The following LAMA3 variants were observed in gnomAD, a reference collection of about 807,000 sequenced individuals.
LAMA3 encodes laminin subunit alpha-3.
A neutral mutation model predicts 402.0 loss-of-function variants in LAMA3; 281 were observed. That is an observed-to-expected ratio of 0.70 (90% confidence interval 0.63 to 0.77). The LOEUF (loss-of-function observed/expected upper bound fraction) is 0.77. Among genes scored for constraint, LAMA3 ranks in the 30% least tolerant of loss-of-function variants. LAMA3 has a pLI of 0.00. For missense variants in LAMA3, 3,840 were observed against 4,215.5 expected, an observed-to-expected ratio of 0.91 and a Z score of 2.47; for synonymous variants, 1,431 against 1,558.4, an observed-to-expected ratio of 0.92 and a Z score of 1.93.
rs139531741 is a variant in LAMA3, at chr18:23,763,272, T to A, written c.1064-133T>A. 6.7e-4 allele frequency: 458 copies of A among 680,346 alleles called. 1 individual carries two copies. In the African/African-American group the frequency reaches 7.3e-3, roughly 11 times the overall value. The allele number at this position is 680,346 out of a possible 1,614,324, so 42.1% of individuals were successfully genotyped here. On this transcript the variant is annotated intron_variant, in intron 7 of 74. Coordinates refer to ENST00000313654, the MANE Select transcript of LAMA3 (RefSeq NM_198129.4). ...CTTTGTGTAAAGATCCCTAAAAATT[T>A]TCCCCTAAGAGTGTCCTGGGTGTTC... is the stretch of plus-strand genomic sequence containing the variant.
At chr18:23,699,245 T>G (rs1320453283) in intron 1 of LAMA3, among the ~76,000 whole-genome samples, 1 of 152,206 alleles carries the variant, frequency 6.6e-6, no homozygotes, top group African/African-American at 2.4e-5. Flanking sequence ...GTTACACGTT[T>G]TGAATGTTGT....
At chr18:23,869,850 C>T (rs553057312) in intron 37 of LAMA3, among the ~76,000 whole-genome samples, 5 of 151,598 alleles carry the variant, frequency 3.3e-5, no homozygotes, top group African/African-American at 7.3e-5. Flanking sequence ...GGGTGGATCA[C>T]GAGGTCAGGA....
At chr18:23,917,143 C>T (rs939232477) in intron 60 of LAMA3, among the ~76,000 whole-genome samples, 1 of 152,022 alleles carries the variant, frequency 6.6e-6, no homozygotes, top group Non-Finnish European at 1.5e-5. Context: ...TTCCTACGTT[C>T]GTTTGTTTAG....
intron 66 of LAMA3, chr18:23,932,703 A>G (rs1435133334): frequency 5.4e-6 from 1 of 184,850 alleles, no homozygotes; most frequent in East Asian, 1.3e-4. Flanking sequence ...TGAACGTGAT[A>G]TTTAATAGAG....
intron 23 of LAMA3, among the ~76,000 whole-genome samples, chr18:23,831,466 C>G (rs1256752550): frequency 6.6e-6 from 1 of 151,992 alleles, no homozygotes; most frequent in Non-Finnish European, 1.5e-5. Context: ...CTCTTCTCTC[C>G]CCTATGGCCT....
chr18:23,842,198 G>A (rs553187050), intron 27 of LAMA3, among the ~76,000 whole-genome samples, 197 bp from the exon 28 acceptor site: 2 of 152,208 alleles, frequency 1.3e-5, no homozygotes, highest in East Asian at 1.9e-4. Context: ...TTCAGTTTTT[G>A]TGATAACAAC....
rs60711151 is a variant in LAMA3, at chr18:23,884,047, GGTGTGTGTGTGT to G, written c.5223-685_5223-674del. 1.5e-3 allele frequency among the ~76,000 whole-genome samples: 203 copies of G among 138,884 alleles called. 1 individual carries two copies. The highest frequency in any genetic ancestry group is 3.5e-3 in the Middle Eastern group (1 of 282). The allele number at this position is 138,884 out of a possible 152,430, so 91.1% of individuals were successfully genotyped here. A position where few individuals can be genotyped will look rare whatever the true frequency, so the allele number is the denominator to read the frequency against. ...AACAGGGCTTTTTCATGGTCTCTTTGGTGTGTGTGTGTGTGTGTGTGTGTGTGTGTGTGTGTG... is the reference window on the plus strand; with the variant it reads ...AACAGGGCTTTTTCATGGTCTCTTTGGTGTGTGTGTGTGTGTGTGTGTGTG... On this transcript the variant is annotated intron_variant, in intron 40 of 74. Coordinates refer to ENST00000313654, the MANE Select transcript of LAMA3 (RefSeq NM_198129.4).
At position 23,954,485 on chromosome 18, in the gene LAMA3, C is replaced by T. The variant is rs972064706; in HGVS notation, c.9857-18C>T. On this transcript the variant is annotated intron_variant, in intron 74 of 74. Transcript: ENST00000313654. ...AGTATGAATTATTTACTGAATGCCT[C>T]TCCACTTTCTCTTTCAGCCAATTTG... 3.1e-6 allele frequency: 5 copies of T among 1,610,034 alleles called. No individual in the cohort carries two copies. The highest frequency in any genetic ancestry group is 4.2e-6 in the Non-Finnish European group (5 of 1,177,600).
chr18:23,875,362 A>C (rs767206751), intron 38 of LAMA3, among the ~76,000 whole-genome samples: 6 of 152,228 alleles, frequency 3.9e-5, no homozygotes, highest in Non-Finnish European at 7.3e-5. Context: ...AATTCTTTTC[A>C]TCCAGATGAA....
intron 36 of LAMA3, among the ~76,000 whole-genome samples, chr18:23,866,247 G>C (rs2064353992): frequency 6.6e-6 from 1 of 152,198 alleles, no homozygotes; most frequent in Admixed American, 6.5e-5. Flanking sequence ...CCTAAACATA[G>C]GGTAGGGTGC....
chr18:23,924,418 C>G (rs903440417), intron 62 of LAMA3, among the ~76,000 whole-genome samples: 2 of 151,958 alleles, frequency 1.3e-5, no homozygotes, highest in Non-Finnish European at 2.9e-5. Flanking sequence ...TCCCAAAATG[C>G]TGTGATTACA....
Position 23,932,196 on chromosome 18 carries a change from T to C in LAMA3, c.8613T>C (p.Asn2871=), listed in dbSNP as rs1179461242. ...RLLIDDQLLR[N]SKRLKHISSS... is the part of the protein sequence containing the mutation. ...TCATCGATGACCAGCTTCTGAGAAATAGCAAAAGGCTAAAACACATTTCAA... is the reference window on the plus strand; with the variant it reads ...TCATCGATGACCAGCTTCTGAGAAACAGCAAAAGGCTAAAACACATTTCAA... The change falls in exon 66 of 75, where the codon AAT becomes AAC. Residue 2871 remains asparagine, a synonymous_variant. Transcript: ENST00000313654. The C allele has an allele frequency of 1.1e-5, 17 of 1,614,006 alleles. No homozygotes were observed. The highest frequency in any genetic ancestry group is 4.4e-5 in the South Asian group (4 of 91,084).
intron 27 of LAMA3, among the ~76,000 whole-genome samples, chr18:23,841,535 G>A (rs2063701662): frequency 6.6e-6 from 1 of 152,176 alleles, no homozygotes; most frequent in South Asian, 2.1e-4. Flanking sequence ...AGGGAGCTGG[G>A]AGCCCCTGAG....
chr18:23,763,439 C>T lies in LAMA3; in HGVS notation c.1098C>T (p.Tyr366=), dbSNP rs773209748. Residue 366 remains tyrosine, a synonymous_variant, in exon 8 of 75, where the codon TAC becomes TAT. Transcript: ENST00000313654. ...GCCACGGCCATGCCAGCAACTGTTA[C>T]TATGATCCAGATGTTGAGCGGCAGC... The part of the protein sequence containing the change: ...CNCHGHASNC[Y]YDPDVERQQA... 28 of 1,613,940 alleles carry T rather than the reference C, an allele frequency of 1.7e-5. No individual in the cohort carries two copies. Among genetic ancestry groups the T allele is most frequent in the Non-Finnish European group, 2.0e-5 (24 of 1,179,896 alleles).
intron 32 of LAMA3, among the ~76,000 whole-genome samples, chr18:23,854,878 G>A (rs1248478181): frequency 2.0e-5 from 3 of 151,538 alleles, no homozygotes; most frequent in East Asian, 3.9e-4. Context: ...CCAGCTACTC[G>A]GGAGGCTGAG....
At position 23,934,618 on chromosome 18, in the gene LAMA3, T is replaced by G. The variant is rs537046029; in HGVS notation, c.8862+683T>G. Among the ~76,000 whole-genome samples, 4 of 152,314 alleles carry G rather than the reference T, an allele frequency of 2.6e-5. No individual in the cohort carries two copies. In the East Asian group the frequency reaches 7.7e-4, roughly 29 times the overall value. On this transcript the variant is annotated intron_variant, in intron 67 of 74. Coordinates refer to ENST00000313654, the MANE Select transcript of LAMA3 (RefSeq NM_198129.4). ...ACTTTCCCAGGTCTGAGGTTACAATTAATATGGTTAATGGATAACAGTGGG... is the reference window on the plus strand; with the variant it reads ...ACTTTCCCAGGTCTGAGGTTACAATGAATATGGTTAATGGATAACAGTGGG...
At chr18:23,888,582 C>T (rs2080523179) in intron 41 of LAMA3, among the ~76,000 whole-genome samples, 1 of 152,140 alleles carries the variant, frequency 6.6e-6, no homozygotes, top group African/African-American at 2.4e-5. Flanking sequence ...CAGAGGGTTA[C>T]AGCAACAGCC....
In LAMA3 at chr18:23,907,901, C is replaced by T. The variant is rs1599062701; in HGVS notation, c.6981C>T (p.Asp2327=). 2 of 1,614,030 alleles carry T rather than the reference C, an allele frequency of 1.2e-6. No homozygotes were observed. The highest frequency in any genetic ancestry group is 8.5e-7 in the Non-Finnish European group (1 of 1,180,016). ...CCTATGGGAGGACACAGAACGAAGA[C>T]TTCAAAAAGGCTCTGACTGATGCAG... ...KDTYGRTQNE[D]FKKALTDADN... The change falls in exon 54 of 75, where the codon GAC becomes GAT. Residue 2327 remains aspartate, a synonymous_variant. Transcript: ENST00000313654.
chr18:23,888,413 A>G (rs1283696575), intron 41 of LAMA3, among the ~76,000 whole-genome samples: 1 of 152,224 alleles, frequency 6.6e-6, no homozygotes, highest in Non-Finnish European at 1.5e-5. Context: ...CAAAATAGGT[A>G]TTATTAGTCC....
Sources: gnomAD v4.1 joint callset for allele counts (sites outside exome capture counted in the v4.1 genomes callset) on GRCh38, gnomAD v4.1.1 for gene constraint, MANE v1.5 for transcripts, NCBI Gene and HGNC (gene_info 2026-07-23, HGNC 2026-07-21) for gene names.